The following SLC14A2 variants were observed in gnomAD, a reference collection of about 807,000 sequenced individuals.
The protein encoded by SLC14A2 is urea transporter 2.
Under a neutral mutation model 104.6 loss-of-function variants are expected in SLC14A2, and 91 were observed. The ratio of observed to expected loss-of-function variants is 0.87; its 90% CI spans 0.73 to 1.04. The LOEUF is 1.04. Among genes scored for constraint, SLC14A2 ranks in the 50% least tolerant of loss-of-function variants. SLC14A2 has a pLI of 0.00. For synonymous variants in SLC14A2, 476 were observed against 466.4 expected, an observed-to-expected ratio of 1.02 and a Z score of -0.27; for missense variants, 1,189 against 1,156.0, an observed-to-expected ratio of 1.03 and a Z score of -0.41.
intron 2 of SLC14A2, among the ~76,000 whole-genome samples, chr18:45,561,494 T>C (rs1381743721): frequency 1.3e-5 from 2 of 152,144 alleles, no homozygotes; most frequent in Non-Finnish European, 2.9e-5. Context: ...GGAAAGGGTG[T>C]CCAGTCTTAT....
intron 1 of SLC14A2, among the ~76,000 whole-genome samples, chr18:45,346,525 T>C (rs1284893129): frequency 6.6e-6 from 1 of 152,210 alleles, no homozygotes; most frequent in Non-Finnish European, 1.5e-5. Flanking sequence ...GATCCTTTGT[T>C]GTTATGAGAT....
chr18:45,545,525 C>A (rs1384701499), intron 2 of SLC14A2, among the ~76,000 whole-genome samples: 1 of 152,182 alleles, frequency 6.6e-6, no homozygotes, highest in Admixed American at 6.5e-5. Flanking sequence ...TACCAAAGAA[C>A]CCCAGGCTCC....
At chr18:45,444,460 A>G (rs528056385) in intron 1 of SLC14A2, among the ~76,000 whole-genome samples, 3 of 152,322 alleles carry the variant, frequency 2.0e-5, no homozygotes, top group African/African-American at 7.2e-5. Flanking sequence ...TATCCCCAGC[A>G]TAGGTTTCTT....
chr18:45,427,441 AC>A (rs2086450497), intron 1 of SLC14A2, among the ~76,000 whole-genome samples: 1 of 152,102 alleles, frequency 6.6e-6, no homozygotes, highest in Admixed American at 6.6e-5. Context: ...TCCCTTGAAG[AC>A]CACCCTGAAG....
intron 1 of SLC14A2, among the ~76,000 whole-genome samples, chr18:45,305,047 C>G (rs2085005033): frequency 6.6e-6 from 1 of 152,204 alleles, no homozygotes; most frequent in Non-Finnish European, 1.5e-5. Context: ...TGGTCAAATA[C>G]AAATGAGTGC....
At chr18:45,608,535 C>A (rs561538037) in intron 2 of SLC14A2, among the ~76,000 whole-genome samples, 3 of 152,342 alleles carry the variant, frequency 2.0e-5, no homozygotes, top group South Asian at 4.1e-4. Context: ...CTCATCAACA[C>A]TCACCCTCCT....
intron 1 of SLC14A2, among the ~76,000 whole-genome samples, chr18:45,218,765 C>T (rs117965143): frequency 1.5e-3 from 235 of 152,232 alleles, no homozygotes; most frequent in Non-Finnish European, 3.1e-3. Flanking sequence ...TCGGACTGCT[C>T]ATCCTAAAAA....
intron 1 of SLC14A2, among the ~76,000 whole-genome samples, chr18:45,424,634 T>C (rs553316402): frequency 6.6e-5 from 10 of 152,318 alleles, no homozygotes; most frequent in African/African-American, 1.7e-4. Context: ...TTTATAATCA[T>C]CTCCATTGAC....
At chr18:45,460,934 C>A (rs1422769979) in intron 1 of SLC14A2, among the ~76,000 whole-genome samples, 2 of 152,166 alleles carry the variant, frequency 1.3e-5, no homozygotes, top group East Asian at 1.9e-4. Flanking sequence ...TTTGGTGAAG[C>A]TGAGTAGGTG....
chr18:45,332,811 G>C (rs2085303128), intron 1 of SLC14A2, among the ~76,000 whole-genome samples: 2 of 152,134 alleles, frequency 1.3e-5, no homozygotes, highest in African/African-American at 4.8e-5. Flanking sequence ...CAACCATTGG[G>C]GTGACACAAT....
chr18:45,527,662 G>A (rs1184000570), intron 2 of SLC14A2, among the ~76,000 whole-genome samples: 1 of 152,188 alleles, frequency 6.6e-6, no homozygotes, highest in Non-Finnish European at 1.5e-5. Flanking sequence ...ACTTATAGCA[G>A]CCATGTCCAT....
intron 5 of SLC14A2, chr18:45,635,074 C>G (rs531970468): frequency 2.9e-6 from 1 of 343,308 alleles, no homozygotes; most frequent in Admixed American, 4.2e-5. Flanking sequence ...CTTTAATTTG[C>G]CTAAGTACCT....
intron 2 of SLC14A2, among the ~76,000 whole-genome samples, chr18:45,550,864 A>G (rs1035767094): frequency 1.3e-5 from 2 of 152,162 alleles, no homozygotes; most frequent in Non-Finnish European, 2.9e-5. Flanking sequence ...GAGCTGAGAG[A>G]TACAGTGCCA....
At chr18:45,511,864 T>G (rs564611681) in intron 2 of SLC14A2, among the ~76,000 whole-genome samples, 2 of 152,264 alleles carry the variant, frequency 1.3e-5, no homozygotes, top group South Asian at 4.1e-4. Flanking sequence ...GGTTCAAGCC[T>G]CCATCTGCAC....
intron 1 of SLC14A2, among the ~76,000 whole-genome samples, chr18:45,617,671 T>G (rs971794107): frequency 1.3e-5 from 2 of 152,218 alleles, no homozygotes; most frequent in Non-Finnish European, 2.9e-5. Context: ...CTGATCTCCC[T>G]GATGTGTGAT....
intron 1 of SLC14A2, among the ~76,000 whole-genome samples, chr18:45,337,932 T>C (rs1433547194): frequency 6.6e-6 from 1 of 152,178 alleles, no homozygotes. Flanking sequence ...ATTAAGAATA[T>C]GACACCTTTT....
At chr18:45,544,786 C>CTTT (rs71373715) in intron 2 of SLC14A2, among the ~76,000 whole-genome samples, 191 of 88,856 alleles carry the variant, frequency 2.1e-3, no homozygotes, top group Non-Finnish European at 2.5e-3. Context: ...TCAATAATGT[C>CTTT]TTTTTTTTTT....
At chr18:45,449,929 A>T (rs185146204) in intron 1 of SLC14A2, among the ~76,000 whole-genome samples, 1 of 152,246 alleles carries the variant, frequency 6.6e-6, no homozygotes, top group Admixed American at 6.5e-5. Flanking sequence ...CTGACCTCTT[A>T]ATCAAGCTGA....
intron 10 of SLC14A2, chr18:45,646,823 G>A (rs755971214): frequency 2.0e-5 from 3 of 152,146 alleles, no homozygotes; most frequent in Non-Finnish European, 4.4e-5. Context: ...CCAACATGAG[G>A]TTGCATGGGG....
Sources: gnomAD v4.1 joint callset for allele counts (sites outside exome capture counted in the v4.1 genomes callset) on GRCh38, gnomAD v4.1.1 for gene constraint, MANE v1.5 for transcripts, NCBI Gene and HGNC (gene_info 2026-07-23, HGNC 2026-07-21) for gene names.